The following SCNN1G variants were observed in gnomAD, a reference collection of about 807,000 sequenced individuals.
SCNN1G encodes epithelial sodium channel subunit gamma.
Under a neutral mutation model 64.6 loss-of-function variants are expected in SCNN1G, and 27 were observed. That is an observed-to-expected ratio of 0.42 (90% CI 0.31 to 0.58). The LOEUF is 0.58. Among genes scored for constraint, SCNN1G ranks in the 20% least tolerant of loss-of-function variants. SCNN1G has a pLI of 0.18. For missense variants in SCNN1G, 743 were observed against 823.4 expected (o/e 0.90, Z 1.19); for synonymous variants, 330 against 314.2 (o/e 1.05, Z -0.53).
At position 23,214,608 on chromosome 16, in the gene SCNN1G, C is replaced by A. The variant is rs1960130352; in HGVS notation, c.1494-104C>A. ...TCTAATATCCCCAAGGAGCTCAGTG[C>A]CTTGGCCATGCTGCCAGCTTGGGTA... On this transcript the variant is annotated intron_variant, in intron 11 of 12. Transcript: ENST00000300061. 3 of 874,816 alleles carry A rather than the reference C, an allele frequency of 3.4e-6. No individual in the cohort carries two copies. The Admixed American group carries it at 5.4e-5, about 16-fold the overall frequency. 54.2% of individuals were successfully genotyped at this position (874,816 alleles called of 1,614,324 possible). A position where few individuals can be genotyped will look rare whatever the true frequency, so the allele number is the denominator to read the frequency against.
intron 6 of SCNN1G, 52 bp from the exon 7 acceptor site, chr16:23,209,698 C>A: frequency 7.2e-7 from 1 of 1,394,900 alleles, no homozygotes; most frequent in Non-Finnish European, 1.0e-6. Flanking sequence ...GCAAAGCCCC[C>A]GCCTGGGTCC....
chr16:23,195,300 T>TTGC (rs956854519), intron 5 of SCNN1G, among the ~76,000 whole-genome samples: 1 of 152,176 alleles, frequency 6.6e-6, no homozygotes, highest in African/African-American at 2.4e-5. Flanking sequence ...TCTACCACCA[T>TTGC]TGCTGCTGCT....
Position 23,193,501 on chromosome 16 carries a change from T to A in SCNN1G, c.810-670T>A, listed in dbSNP as rs572802032. On this transcript the variant is annotated intron_variant, in intron 4 of 12. Transcript: ENST00000300061. ...TTTCTACAAAAAAAATTCAAAAACTTATCTGGGCATAATGGCACACACCTG... is the reference window on the plus strand; with the variant it reads ...TTTCTACAAAAAAAATTCAAAAACTAATCTGGGCATAATGGCACACACCTG... Among the ~76,000 whole-genome samples the A allele has an allele frequency of 3.3e-5, 5 of 151,994 alleles. No individual in the cohort carries two copies. In the South Asian group the frequency reaches 1.0e-3, roughly 32 times the overall value.
rs72647529 is a variant in SCNN1G, at chr16:23,213,135, G to A, written c.1465G>A (p.Gly489Ser). Residue 489 changes from glycine to serine, a missense_variant, in exon 11 of 13, where the codon GGC (glycine) becomes AGC (serine). Physicochemically the swap from Gly to Ser is moderately conservative, Grantham distance 56. Coordinates refer to ENST00000300061, the MANE Select transcript of SCNN1G (RefSeq NM_001039.4). ...WLLPVLTWDQGRQVNKKLNKT... is the reference protein window; with the variant it reads ...WLLPVLTWDQSRQVNKKLNKT... ...GCTGCCTGTTCTCACTTGGGACCAAGGCCGGCAAGTAAACAAAAAGCTCAA... is the reference window on the plus strand; with the variant it reads ...GCTGCCTGTTCTCACTTGGGACCAAAGCCGGCAAGTAAACAAAAAGCTCAA... 1 of 1,613,554 alleles carries A rather than the reference G, an allele frequency of 6.2e-7. No homozygotes were observed. The highest frequency in any genetic ancestry group is 2.2e-5 in the East Asian group (1 of 44,828).
intron 6 of SCNN1G, among the ~76,000 whole-genome samples, chr16:23,199,284 T>C (rs1362074272): frequency 6.6e-6 from 1 of 152,228 alleles, no homozygotes; most frequent in Non-Finnish European, 1.5e-5. Context: ...TGGTTCCATA[T>C]CAAAACATAT....
At chr16:23,205,778 C>A (rs1959980591) in intron 6 of SCNN1G, among the ~76,000 whole-genome samples, 1 of 152,018 alleles carries the variant, frequency 6.6e-6, no homozygotes, top group East Asian at 1.9e-4. Context: ...CATCCCCAGC[C>A]TGGCCATCCC....
chr16:23,209,479 T>C (rs1259097486), intron 6 of SCNN1G, among the ~76,000 whole-genome samples: 1 of 152,250 alleles, frequency 6.6e-6, no homozygotes, highest in African/African-American at 2.4e-5. Context: ...ATCTTGTTTA[T>C]TTATTTGCTT....
chr16:23,211,910 G>A, intron 7 of SCNN1G, 124 bp from the exon 8 acceptor site: 2 of 775,428 alleles, frequency 2.6e-6, no homozygotes, highest in Non-Finnish European at 4.7e-6. Context: ...TTGGCATAAG[G>A]GGCAGGTTCA....
At chr16:23,197,163 T>G (rs1314104724) in intron 5 of SCNN1G, 101 bp from the exon 6 acceptor site, 2 of 942,560 alleles carry the variant, frequency 2.1e-6, no homozygotes, top group South Asian at 2.7e-5. Flanking sequence ...TAGAAATACC[T>G]GGTCTTGGGT....
intron 10 of SCNN1G, 78 bp from the exon 11 acceptor site, chr16:23,213,024 A>T: frequency 6.5e-7 from 1 of 1,531,806 alleles, no homozygotes; most frequent in Non-Finnish European, 9.0e-7. Flanking sequence ...CTGGGGGACA[A>T]GTTGGGGAGC....
Position 23,189,419 on chromosome 16 carries a change from A to C in SCNN1G, c.366A>C (p.Arg122Ser). 1.2e-6 allele frequency: 2 copies of C among 1,614,146 alleles called. No homozygotes were observed. The highest frequency in any genetic ancestry group is 2.2e-5 in the South Asian group (2 of 91,078). The part of the protein sequence containing the change: ...HLLADLEQET[R>S]EALKSLYGFP... ...TAGCTGACTTGGAACAGGAGACCAG[A>C]GAGGCCCTGAAGTCCCTGTATGGCT... The change falls in exon 3 of 13, where the codon AGA (arginine) becomes AGC (serine). Residue 122 changes from arginine (R) to serine (S), a missense_variant. Physicochemically the swap from Arg to Ser is moderately radical, Grantham distance 110. Coordinates refer to ENST00000300061, the MANE Select transcript of SCNN1G (RefSeq NM_001039.4).
At chr16:23,208,085 G>A (rs1410230854) in intron 6 of SCNN1G, among the ~76,000 whole-genome samples, 1 of 152,216 alleles carries the variant, frequency 6.6e-6, no homozygotes, top group Non-Finnish European at 1.5e-5. Context: ...GACCTTAGAA[G>A]ATGTTATCCT....
chr16:23,191,370 G>T (rs1014757403), intron 3 of SCNN1G, among the ~76,000 whole-genome samples: 2 of 152,152 alleles, frequency 1.3e-5, no homozygotes, highest in African/African-American at 4.8e-5. Flanking sequence ...GTCTTCTTGG[G>T]TCCTTTCATG....
chr16:23,203,060 A>G lies in SCNN1G; in HGVS notation c.1077+5633A>G, dbSNP rs558298444. Among the ~76,000 whole-genome samples the G allele has an allele frequency of 3.3e-5, 5 of 152,360 alleles. No homozygotes were observed. The East Asian group carries it at 9.6e-4, about 29-fold the overall frequency. On this transcript the variant is annotated intron_variant, in intron 6 of 12. Coordinates refer to ENST00000300061, the MANE Select transcript of SCNN1G (RefSeq NM_001039.4). ...AATGTTTAAGGGCTGAGCAGAAAGT[A>G]AAAGGAGAAAGAGAGGCAGATAAGT...
At chr16:23,212,484 C>T (rs1373380793) in intron 8 of SCNN1G, among the ~76,000 whole-genome samples, 194 bp from the exon 9 acceptor site, 1 of 151,964 alleles carries the variant, frequency 6.6e-6, no homozygotes, top group Non-Finnish European at 1.5e-5. Context: ...GTCTGACCTT[C>T]AACTCACATC....
chr16:23,187,239 G>A (rs1037530813), intron 2 of SCNN1G, among the ~76,000 whole-genome samples: 1 of 151,718 alleles, frequency 6.6e-6, no homozygotes, highest in Non-Finnish European at 1.5e-5. Flanking sequence ...CTCCTGAGTA[G>A]CTGGGACTAT....
chr16:23,213,273 T>A (rs72647532), intron 11 of SCNN1G, 110 bp downstream of exon 11: 9,157 of 697,550 alleles, frequency 0.013, 38 homozygotes, highest in Non-Finnish European at 0.016. Flanking sequence ...TTTTTTTTTT[T>A]ATGGAGTCTT....
chr16:23,183,061 G>T (rs530661597), intron 1 of SCNN1G, among the ~76,000 whole-genome samples: 1 of 152,226 alleles, frequency 6.6e-6, no homozygotes, highest in Admixed American at 6.5e-5. Flanking sequence ...CCGGGGGTCT[G>T]GGGGTCCCGG....
intron 1 of SCNN1G, among the ~76,000 whole-genome samples, chr16:23,183,531 T>C (rs1353031253): frequency 6.6e-6 from 1 of 152,018 alleles, no homozygotes; most frequent in African/African-American, 2.4e-5. Flanking sequence ...GCAAAGTCGG[T>C]GGTAGGTGAG....
Sources: allele counts gnomAD v4.1 joint callset (sites outside exome capture counted in the v4.1 genomes callset), GRCh38; gene constraint gnomAD v4.1.1; transcripts MANE v1.5; gene names NCBI Gene and HGNC (gene_info 2026-07-23, HGNC 2026-07-21).